The following SEPTIN5 variants were observed in gnomAD, a reference collection of about 807,000 sequenced individuals.
SEPTIN5 encodes septin-5.
A neutral mutation model predicts 51.2 loss-of-function variants in SEPTIN5; 16 were observed. The ratio of observed to expected loss-of-function variants is 0.31; its 90% CI spans 0.21 to 0.47. The LOEUF is 0.47. SEPTIN5 is among the 20% of genes least tolerant of loss of function. The pLI is 0.99. For missense variants in SEPTIN5, 376 were observed against 500.3 expected (o/e 0.75, Z 2.37); for synonymous variants, 208 against 191.2 (o/e 1.09, Z -0.72).
chr22:19,716,697 C>T (rs558746810), intron 2 of SEPTIN5, among the ~76,000 whole-genome samples: 2 of 152,230 alleles, frequency 1.3e-5, no homozygotes, highest in South Asian at 2.1e-4. Context: ...TTCTTGCCCT[C>T]CTGACCTGGG....
At chr22:19,722,045 G>A in intron 10 of SEPTIN5, 88 bp downstream of exon 10, 1 of 1,505,442 alleles carries the variant, frequency 6.6e-7, no homozygotes. Context: ...AGCCCACCCA[G>A]ACTTGAACTT....
At chr22:19,721,095 T>C (rs1936022268) in intron 8 of SEPTIN5, among the ~76,000 whole-genome samples, 1 of 152,134 alleles carries the variant, frequency 6.6e-6, no homozygotes, top group South Asian at 2.1e-4. Flanking sequence ...GTGGGCCCCG[T>C]GTGGTGCTTG....
chr22:19,718,938 G>C, intron 2 of SEPTIN5: 1 of 1,062,624 alleles, frequency 9.4e-7, no homozygotes, highest in Non-Finnish European at 1.2e-6. Flanking sequence ...CCTTCCCTCC[G>C]CAGCGGCCTC....
In SEPTIN5 at chr22:19,714,827, C is replaced by T. The variant is rs753703067; in HGVS notation, c.54+36C>T. On this transcript the variant is annotated intron_variant, in intron 2 of 11. Transcript: ENST00000455784. The surrounding 1 kb of genome is among the most constrained non-coding windows in gnomAD (Gnocchi z 5.2). ...AGCGCCGCTCCCCCGCCGGGAGACCCGGCCGGCTGTCACCCATTGTGACAC... is the reference window on the plus strand; with the variant it reads ...AGCGCCGCTCCCCCGCCGGGAGACCTGGCCGGCTGTCACCCATTGTGACAC... 2.5e-6 allele frequency: 4 copies of T among 1,591,128 alleles called. No individual in the cohort carries two copies. The highest frequency in any genetic ancestry group is 1.7e-6 in the Non-Finnish European group (2 of 1,175,144).
chr22:19,714,875 C>G lies in SEPTIN5; in HGVS notation c.54+84C>G. The G allele has an allele frequency of 2.0e-6, 3 of 1,485,040 alleles. No homozygotes were observed. Among genetic ancestry groups the G allele is most frequent in the Admixed American group, 4.0e-5 (2 of 50,358 alleles). 92.0% of individuals were successfully genotyped at this position (1,485,040 alleles called of 1,614,324 possible). On this transcript the variant is annotated intron_variant, in intron 2 of 11. Coordinates refer to ENST00000455784, the MANE Select transcript of SEPTIN5 (RefSeq NM_002688.6). The surrounding 1 kb of genome is among the most constrained non-coding windows in gnomAD (Gnocchi z 5.2). ...CACTAGCGCCTTGGGCGCCCAGGCG[C>G]GACCCCGCCCCCGCCGGCCCTCACC... is the stretch of plus-strand genomic sequence containing the variant.
chr22:19,714,777 G>A lies in SEPTIN5; in HGVS notation c.44-4G>A. On this transcript the variant is annotated splice_polypyrimidine_tract_variant and splice_region_variant and intron_variant, in intron 1 of 11. Transcript: ENST00000455784. This position sits in a 1 kb window ranked among gnomAD's most constrained non-coding sequence, Gnocchi z 5.2. ...CGGACTCGACCCCGACCCCGACCCC[G>A]CAGAGGACAAGCAGGTACGTGCGCA... 3 of 1,518,588 alleles carry A rather than the reference G, an allele frequency of 2.0e-6. No homozygotes were observed. The highest frequency in any genetic ancestry group is 8.8e-7 in the Non-Finnish European group (1 of 1,132,640). The allele number at this position is 1,518,588 out of a possible 1,614,324, so 94.1% of individuals were successfully genotyped here.
At position 19,719,077 on chromosome 22, in the gene SEPTIN5, G is replaced by A. The variant is rs1343470938; in HGVS notation, c.55-525G>A. On this transcript the variant is annotated intron_variant, in intron 2 of 11. Coordinates refer to ENST00000455784, the MANE Select transcript of SEPTIN5 (RefSeq NM_002688.6). The stretch of plus-strand genomic sequence containing the variant: ...CCCCAAGGGTCTGCGGGGGCTGGGC[G>A]CCTGGGCGCGCGGGCGGGGGAGGCT... The A allele has an allele frequency of 4.8e-5, 17 of 351,512 alleles. No homozygotes were observed. In the East Asian group the frequency reaches 7.3e-4, roughly 15 times the overall value. 21.8% of individuals were successfully genotyped at this position (351,512 alleles called of 1,614,324 possible).
intron 2 of SEPTIN5, among the ~76,000 whole-genome samples, chr22:19,715,512 C>T (rs972886385): frequency 1.5e-5 from 2 of 136,182 alleles, no homozygotes; most frequent in South Asian, 2.7e-4. Context: ...TGGGGTGGGG[C>T]GGGGGCTGAC....
At chr22:19,718,717 G>A (rs779450576) in intron 2 of SEPTIN5, 33 of 1,249,986 alleles carry the variant, frequency 2.6e-5, no homozygotes, top group African/African-American at 3.1e-5. Context: ...GCGTGCCCCC[G>A]GGCCTGGGGG....
chr22:19,721,005 G>A lies in SEPTIN5; in HGVS notation c.717+136G>A. 4.0e-6 allele frequency: 3 copies of A among 742,298 alleles called. No homozygotes were observed. The South Asian group carries it at 4.6e-5, about 11-fold the overall frequency. The allele number at this position is 742,298 out of a possible 1,614,324, so 46.0% of individuals were successfully genotyped here. A position where few individuals can be genotyped will look rare whatever the true frequency, so the allele number is the denominator to read the frequency against. ...TTGGGTGCAAGAGTCATTTGTTCTA[G>A]GAGTAGAGGACCTGTACCCCCTTCA... On this transcript the variant is annotated intron_variant, in intron 8 of 11. Coordinates refer to ENST00000455784, the MANE Select transcript of SEPTIN5 (RefSeq NM_002688.6).
At chr22:19,716,302 G>A (rs548912787) in intron 2 of SEPTIN5, among the ~76,000 whole-genome samples, 1 of 152,346 alleles carries the variant, frequency 6.6e-6, no homozygotes, top group Non-Finnish European at 1.5e-5. Context: ...TGCTACCACC[G>A]TTGCTGAGCC....
In SEPTIN5 at chr22:19,714,854, AGCGCCTTGG is replaced by A. The variant is rs1935892025; in HGVS notation, c.54+69_54+77del. On this transcript the variant is annotated intron_variant, in intron 2 of 11. Coordinates refer to ENST00000455784, the MANE Select transcript of SEPTIN5 (RefSeq NM_002688.6). This position sits in a 1 kb window ranked among gnomAD's most constrained non-coding sequence, Gnocchi z 5.2. ...GCCGGCTGTCACCCATTGTGACACT[AGCGCCTTGG>A]GCGCCCAGGCGCGACCCCGCCCCCG... 5 of 1,531,034 alleles carry A rather than the reference AGCGCCTTGG, an allele frequency of 3.3e-6. No homozygotes were observed. The highest frequency in any genetic ancestry group is 4.4e-6 in the Non-Finnish European group (5 of 1,137,482). The allele number at this position is 1,531,034 out of a possible 1,614,324, so 94.8% of individuals were successfully genotyped here. A position where few individuals can be genotyped will look rare whatever the true frequency, so the allele number is the denominator to read the frequency against.
At chr22:19,716,683 G>A (rs1331730506) in intron 2 of SEPTIN5, among the ~76,000 whole-genome samples, 1 of 152,222 alleles carries the variant, frequency 6.6e-6, no homozygotes, top group African/African-American at 2.4e-5. Flanking sequence ...CGCTGAGAGT[G>A]AGATTCTTGC....
intron 2 of SEPTIN5, chr22:19,718,621 G>T: frequency 7.7e-7 from 1 of 1,291,154 alleles, no homozygotes; most frequent in Non-Finnish European, 9.8e-7. Flanking sequence ...CGCAAAACGG[G>T]GTGGACAACG....
chr22:19,715,440 C>G (rs960253284), intron 2 of SEPTIN5, among the ~76,000 whole-genome samples: 4 of 151,540 alleles, frequency 2.6e-5, no homozygotes, highest in Non-Finnish European at 5.9e-5. Context: ...GGACAGGAGG[C>G]TGGTCTAGGC....
chr22:19,716,509 A>G (rs1449985641), intron 2 of SEPTIN5, among the ~76,000 whole-genome samples: 1 of 152,118 alleles, frequency 6.6e-6, no homozygotes, highest in East Asian at 1.9e-4. Flanking sequence ...TTGGGAGGAG[A>G]TGGGCGCAGC....
At chr22:19,722,025 C>G (rs952559994) in intron 10 of SEPTIN5, 68 bp downstream of exon 10, 6 of 1,545,376 alleles carry the variant, frequency 3.9e-6, no homozygotes, top group African/African-American at 2.7e-5. Context: ...AACTGAGGGC[C>G]GGTCCTGTCA....
chr22:19,715,659 T>TTC (rs1935902318), intron 2 of SEPTIN5, among the ~76,000 whole-genome samples: 1 of 152,198 alleles, frequency 6.6e-6, no homozygotes, highest in Non-Finnish European at 1.5e-5. Context: ...GGGATGGAGT[T>TTC]TCTCAGGAGC....
At chr22:19,721,060 T>C in intron 8 of SEPTIN5, among the ~76,000 whole-genome samples, 191 bp downstream of exon 8, 1 of 152,196 alleles carries the variant, frequency 6.6e-6, no homozygotes. Context: ...GGTCACCATG[T>C]CTTTGCCTGG....
Sources: allele counts gnomAD v4.1 joint callset (sites outside exome capture counted in the v4.1 genomes callset), GRCh38; gene constraint gnomAD v4.1.1; non-coding constraint Gnocchi (gnomAD v3.1); transcripts MANE v1.5; gene names NCBI Gene and HGNC (gene_info 2026-07-23, HGNC 2026-07-21).